Variants in PAGE2B observed in about 807,000 individuals in gnomAD.
The protein encoded by PAGE2B is putative G antigen family E member 3.
In PAGE2B, 5 loss-of-function variants were observed where a neutral mutation model predicts 7.6. The ratio of observed to expected loss-of-function variants is 0.66; its 90% CI spans 0.34 to 1.38. The LOEUF is 1.38. Among genes scored for constraint, PAGE2B ranks in the 40% most tolerant of loss-of-function variants. The pLI, the probability that PAGE2B is intolerant of heterozygous loss-of-function variation, is 0.04. For missense variants in PAGE2B, 70 were observed against 78.4 expected (o/e 0.89, Z 0.41); for synonymous variants, 29 against 26.7 (o/e 1.09, Z -0.27).
chrX:55,060,956 G>A, the PAGE2B span, among the ~76,000 whole-genome samples: 1 of 110,672 alleles, frequency 9.0e-6, no homozygotes, highest in Non-Finnish European at 1.9e-5. Flanking sequence ...TGAACACAAG[G>A]AAACTCAGAC....
the PAGE2B span, among the ~76,000 whole-genome samples, chrX:55,038,957 A>G: frequency 9.0e-6 from 1 of 111,548 alleles, no homozygotes; most frequent in African/African-American, 3.3e-5. Flanking sequence ...GTTCTTCAGT[A>G]TGTCCAAAGA....
the PAGE2B span, among the ~76,000 whole-genome samples, chrX:55,054,217 C>CAA: frequency 0.029 from 3,076 of 107,442 alleles, 100 homozygotes; most frequent in African/African-American, 0.091. Flanking sequence ...TTAAAAAAAA[C>CAA]AAAAAAAAAC....
chrX:55,055,980 A>G, the PAGE2B span: 1 of 110,755 alleles, frequency 9.0e-6, no homozygotes, highest in African/African-American at 3.3e-5. Context: ...TGTGGATATG[A>G]GTGATGTTAG....
At chrX:55,072,358 G>A (rs772452350), upstream of PAGE2B, among the ~76,000 whole-genome samples, 1 of 112,437 alleles carries the variant, frequency 8.9e-6, no homozygotes, top group Non-Finnish European at 1.9e-5. Flanking sequence ...TCCATACCCT[G>A]TTCGCCTGGG....
intron 2 of PAGE2B, 95 bp downstream of exon 2, chrX:55,076,220 G>A: frequency 1.0e-6 from 1 of 985,349 alleles, no homozygotes; most frequent in Middle Eastern, 2.9e-4. Context: ...GGTGTTCCAT[G>A]CTGATAAAAA....
At chrX:55,042,856 TCATATGGAA>T in the PAGE2B span, among the ~76,000 whole-genome samples, 1 of 108,545 alleles carries the variant, frequency 9.2e-6, no homozygotes, top group South Asian at 4.0e-4. Flanking sequence ...ATCCTAAAAT[TCATATGGAA>T]CAAAAAGGAG....
At chrX:55,040,693 T>A in the PAGE2B span, among the ~76,000 whole-genome samples, 1 of 111,322 alleles carries the variant, frequency 9.0e-6, no homozygotes, top group East Asian at 2.8e-4. Context: ...GATACAGAGT[T>A]TCCATTTGGG....
chrX:55,074,469 G>A (rs1936480909), upstream of PAGE2B, among the ~76,000 whole-genome samples: 1 of 112,078 alleles, frequency 8.9e-6, no homozygotes, highest in South Asian at 3.7e-4. Flanking sequence ...ATTGAGTGGG[G>A]ATGTAGGTGA....
At chrX:55,037,534 C>G in the PAGE2B span, among the ~76,000 whole-genome samples, 11 of 111,148 alleles carry the variant, frequency 9.9e-5, no homozygotes, top group African/African-American at 3.6e-4. Context: ...CCATTTGACC[C>G]AGCAATCCCA....
the PAGE2B span, among the ~76,000 whole-genome samples, chrX:55,034,581 C>T: frequency 1.8e-5 from 2 of 109,717 alleles, no homozygotes; most frequent in African/African-American, 3.3e-5. Flanking sequence ...TTTAATAACA[C>T]TTATAATTAG....
chrX:55,077,454 G>T lies in PAGE2B; in HGVS notation c.249G>T (p.Glu83Asp). The T allele has an allele frequency of 8.3e-7, 1 of 1,211,918 alleles. No homozygotes were observed. The highest frequency in any genetic ancestry group is 1.1e-6 in the Non-Finnish European group (1 of 895,486). ...TGGCTCTGCTTAAGATAGAGGATGA[G>T]CCTGGAGATGGTCCTGATGTCAGGG... Reference protein sequence around the residue: ...QELALLKIEDEPGDGPDVREG... With the variant: ...QELALLKIEDDPGDGPDVREG... The change falls in exon 4 of 5, where the codon GAG (glutamate) becomes GAT (aspartate). Residue 83 changes from glutamate (E) to aspartate (D), a missense_variant. Coordinates refer to ENST00000374971, the MANE Select transcript of PAGE2B (RefSeq NM_001015038.3).
chrX:55,031,152 G>A, the PAGE2B span: 1 of 249,002 alleles, frequency 4.0e-6, no homozygotes, highest in Admixed American at 5.2e-5. Flanking sequence ...CCCAGCTCTG[G>A]CTCTTCCCTA....
At chrX:55,074,090 A>T (rs1936477058), upstream of PAGE2B, among the ~76,000 whole-genome samples, 1 of 112,253 alleles carries the variant, frequency 8.9e-6, no homozygotes, top group South Asian at 3.7e-4. Context: ...GTGAAGAACT[A>T]ATATGAAGCA....
the PAGE2B span, among the ~76,000 whole-genome samples, chrX:55,040,862 T>C: frequency 1.9e-4 from 21 of 111,539 alleles, no homozygotes; most frequent in South Asian, 3.8e-4. Context: ...TATAAAATGC[T>C]GTAAGGTTTG....
chrX:55,041,120 C>T, the PAGE2B span, among the ~76,000 whole-genome samples: 2 of 87,475 alleles, frequency 2.3e-5, no homozygotes, highest in African/African-American at 4.5e-5. Context: ...CTTTCTCTGT[C>T]GCCCAGGCTG....
rs752752984 is a variant in PAGE2B, at chrX:55,076,016, A to G, written c.-8-18A>G. On this transcript the variant is annotated intron_variant, in intron 1 of 4. Coordinates refer to ENST00000374971, the MANE Select transcript of PAGE2B (RefSeq NM_001015038.3). ...AGTTCTTATACACTTTTTCCAAATA[A>G]CAGTATTCTATTTTCAGTGGGAAAT... 2 of 1,183,185 alleles carry G rather than the reference A, an allele frequency of 1.7e-6. No homozygotes were observed. Among genetic ancestry groups the G allele is most frequent in the East Asian group, 3.0e-5 (1 of 33,588 alleles).
chrX:55,076,032 A>G lies in PAGE2B; in HGVS notation c.-8-2A>G. ...TTCCAAATAACAGTATTCTATTTTCAGTGGGAAATATGAGTGAGCATGTGA... is the reference window on the plus strand; with the variant it reads ...TTCCAAATAACAGTATTCTATTTTCGGTGGGAAATATGAGTGAGCATGTGA... On this transcript the variant is annotated splice_acceptor_variant, in intron 1 of 4. Coordinates refer to ENST00000374971, the MANE Select transcript of PAGE2B (RefSeq NM_001015038.3). LOFTEE classifies it low-confidence loss of function (5UTR_SPLICE). 1.2e-5 allele frequency: 15 copies of G among 1,201,509 alleles called. No homozygotes were observed. Among genetic ancestry groups the G allele is most frequent in the Non-Finnish European group, 1.7e-5 (15 of 887,913 alleles).
chrX:55,042,016 G>A, the PAGE2B span, among the ~76,000 whole-genome samples: 4 of 111,349 alleles, frequency 3.6e-5, no homozygotes, highest in Admixed American at 9.6e-5. Flanking sequence ...GCCCACTTTC[G>A]CCACTTCTAT....
At chrX:55,052,838 C>A in the PAGE2B span, among the ~76,000 whole-genome samples, 50 of 112,809 alleles carry the variant, frequency 4.4e-4, no homozygotes, top group African/African-American at 1.6e-3. Flanking sequence ...GTGAGATGAA[C>A]CCAGTACCTC....
Sources: allele counts gnomAD v4.1 joint callset (sites outside exome capture counted in the v4.1 genomes callset), GRCh38; gene constraint gnomAD v4.1.1; transcripts MANE v1.5; gene names NCBI Gene and HGNC (gene_info 2026-07-23, HGNC 2026-07-21).